DMBX1: variants seen among roughly 807,000 people sequenced by gnomAD.
The protein encoded by DMBX1 is diencephalon/mesencephalon homeobox 1.
A neutral mutation model predicts 30.4 loss-of-function variants in DMBX1; 7 were observed. The ratio of observed to expected loss-of-function variants is 0.23; its 90% CI spans 0.13 to 0.43. The LOEUF is 0.43. Ranked by LOEUF, DMBX1 falls within the 20% of genes least tolerant of loss-of-function variation. The probability of loss-of-function intolerance (pLI) is 1.00; values close to 1 mark genes in which losing one functional copy is unlikely to be tolerated. For synonymous variants in DMBX1, 222 were observed against 214.2 expected (o/e 1.04, Z -0.32); for missense variants, 460 against 508.5 (o/e 0.90, Z 0.92).
At chr1:46,501,104 T>A (rs1017584710) in intron 2 of DMBX1, among the ~76,000 whole-genome samples, 2 of 152,160 alleles carry the variant, frequency 1.3e-5, no homozygotes, top group African/African-American at 4.8e-5. Context: ...TTATATTTGC[T>A]AATCTGATCG....
In DMBX1 at chr1:46,510,477, C is replaced by T. The variant is rs770530742; in HGVS notation, c.156C>T (p.Asp52=). Residue 52 remains aspartate (D), a splice_region_variant and synonymous_variant, in exon 4 of 6, where the codon GAC becomes GAT. Coordinates refer to ENST00000360032, the MANE Select transcript of DMBX1 (RefSeq NM_172225.2). This position sits in a 1 kb window ranked among gnomAD's most constrained non-coding sequence, Gnocchi z 4.1. ...CCTCCAACGGCTGTACATTTCAAGA[C>T]ATCATCTTGGAGGCCCGTTATGGTT... ...HALTLAERLA[D]IILEARYGSQ... The T allele has an allele frequency of 7.4e-6, 12 of 1,613,530 alleles. No individual in the cohort carries two copies. The Admixed American group carries it at 2.0e-4, about 27-fold the overall frequency.
intron 3 of DMBX1, among the ~76,000 whole-genome samples, chr1:46,509,550 G>A (rs190135184): frequency 3.9e-5 from 6 of 152,288 alleles, no homozygotes; most frequent in East Asian, 1.9e-4. Flanking sequence ...TCAGGGGCTA[G>A]TCAAGTGAAA....
At chr1:46,504,465 A>G (rs1230848340) in intron 2 of DMBX1, among the ~76,000 whole-genome samples, 4 of 150,910 alleles carry the variant, frequency 2.7e-5, no homozygotes, top group African/African-American at 9.8e-5. Flanking sequence ...CATTTATTAA[A>G]TAGGGAATCC....
At position 46,514,888 on chromosome 1, in the gene DMBX1, G is replaced by A. The variant is rs1666462024; in HGVS notation, c.*2394G>A. Among the ~76,000 whole-genome samples, 1 of 152,140 alleles carries A rather than the reference G, an allele frequency of 6.6e-6. No individual in the cohort carries two copies. The highest frequency in any genetic ancestry group is 2.4e-5 in the African/African-American group (1 of 41,414). On this transcript the variant is annotated 3_prime_UTR_variant, in exon 6 of 6. Coordinates refer to ENST00000360032, the MANE Select transcript of DMBX1 (RefSeq NM_172225.2). ...TGGACAGGAAAAAAGTGAGCAGGAT[G>A]GTAGTCTAGGCCAGGAGAAGTGTTT...
At position 46,510,344 on chromosome 1, in the gene DMBX1, G is replaced by A; in HGVS notation, c.155-132G>A. On this transcript the variant is annotated intron_variant, in intron 3 of 5. Transcript: ENST00000360032. The surrounding 1 kb of genome is among the most constrained non-coding windows in gnomAD (Gnocchi z 4.1). Reference sequence around the variant, plus strand: ...GAGAGGGGATGGCTGATTTCTAAGGGTAAGGGACCAGGGCCAGCTCTGGCA... The same window carrying A: ...GAGAGGGGATGGCTGATTTCTAAGGATAAGGGACCAGGGCCAGCTCTGGCA... 1 of 1,160,722 alleles carries A rather than the reference G, an allele frequency of 8.6e-7. No individual in the cohort carries two copies. Among genetic ancestry groups the A allele is most frequent in the South Asian group, 1.6e-5 (1 of 63,448 alleles). The allele number at this position is 1,160,722 out of a possible 1,614,324, so 71.9% of individuals were successfully genotyped here.
chr1:46,511,760 G>T (rs529779130), intron 5 of DMBX1, among the ~76,000 whole-genome samples: 63 of 152,194 alleles, frequency 4.1e-4, no homozygotes, highest in African/African-American at 1.3e-3. Context: ...GGAGCTCTGG[G>T]CAGGGTGGGG....
rs1010871937 is a variant in DMBX1 at position 46,491,155 on chromosome 1, C to G, written c.-13+372C>G. 4.6e-5 allele frequency among the ~76,000 whole-genome samples: 7 copies of G among 152,218 alleles called. No homozygotes were observed. Among genetic ancestry groups the G allele is most frequent in the Non-Finnish European group, 1.0e-4 (7 of 68,036 alleles). ...TTAAGGAGCTTGAGGGAAACCTCCT[C>G]TTCCCCAAATTCGCACCAAATCTGG... On this transcript the variant is annotated intron_variant, in intron 2 of 5. Coordinates refer to ENST00000360032, the MANE Select transcript of DMBX1 (RefSeq NM_172225.2). This position sits in a 1 kb window ranked among gnomAD's most constrained non-coding sequence, Gnocchi z 5.5.
At chr1:46,502,218 G>A (rs2025384) in intron 2 of DMBX1, among the ~76,000 whole-genome samples, 36,581 of 152,094 alleles carry the variant, frequency 0.24, 5,419 homozygotes, top group African/African-American at 0.42. Context: ...TTGGATTCAC[G>A]TGTCAGTCAT....
In DMBX1 at chr1:46,510,812, G is replaced by A; in HGVS notation, c.334-123G>A. The stretch of plus-strand genomic sequence containing the variant: ...GGAGGGGAGTTTGGGAAGGGACAGA[G>A]GGTGTGCATTCCCTAGAGGGGTGGG... On this transcript the variant is annotated intron_variant, in intron 4 of 5. Coordinates refer to ENST00000360032, the MANE Select transcript of DMBX1 (RefSeq NM_172225.2). This position sits in a 1 kb window ranked among gnomAD's most constrained non-coding sequence, Gnocchi z 4.1. 2 of 1,336,390 alleles carry A rather than the reference G, an allele frequency of 1.5e-6. No homozygotes were observed. The highest frequency in any genetic ancestry group is 1.5e-5 in the South Asian group (1 of 67,970). 82.8% of individuals were successfully genotyped at this position (1,336,390 alleles called of 1,614,324 possible). A position where few individuals can be genotyped will look rare whatever the true frequency, so the allele number is the denominator to read the frequency against.
At position 46,491,061 on chromosome 1, in the gene DMBX1, G is replaced by A. The variant is rs1314244573; in HGVS notation, c.-13+278G>A. On this transcript the variant is annotated intron_variant, in intron 2 of 5. Coordinates refer to ENST00000360032, the MANE Select transcript of DMBX1 (RefSeq NM_172225.2). This position sits in a 1 kb window ranked among gnomAD's most constrained non-coding sequence, Gnocchi z 5.5. ...ACTGTGCAGGGTCCCGGGCACCACC[G>A]GCTGAACTTTCTGGCGGTCACAAAT... 1.3e-5 allele frequency among the ~76,000 whole-genome samples: 2 copies of A among 152,226 alleles called. No homozygotes were observed. The highest frequency in any genetic ancestry group is 6.5e-5 in the Admixed American group (1 of 15,282).
chr1:46,507,154 G>T lies in DMBX1; in HGVS notation c.144G>T (p.Glu48Asp). 1 of 1,614,164 alleles carries T rather than the reference G, an allele frequency of 6.2e-7. No homozygotes were observed. Among genetic ancestry groups the T allele is most frequent in the East Asian group, 2.2e-5 (1 of 44,862 alleles). ...CAGTGCATGCGCTTACATTGGCTGA[G>T]CGCCTGGCTGGTAAGGGCCCTGGGG... is the stretch of plus-strand genomic sequence containing the variant. ...RPSVHALTLA[E>D]RLADIILEAR... Residue 48 changes from glutamate (E) to aspartate (D), a missense_variant, in exon 3 of 6, where the codon GAG (glutamate) becomes GAT (aspartate). Transcript: ENST00000360032.
At chr1:46,502,735 A>C (rs1466571855) in intron 2 of DMBX1, among the ~76,000 whole-genome samples, 2 of 152,090 alleles carry the variant, frequency 1.3e-5, no homozygotes, top group Non-Finnish European at 2.9e-5. Flanking sequence ...AAAAAAATAA[A>C]TAAATTATCC....
chr1:46,501,221 T>TCTTC (rs1666123829), intron 2 of DMBX1, among the ~76,000 whole-genome samples: 2 of 63,176 alleles, frequency 3.2e-5, no homozygotes, highest in South Asian at 6.0e-4. Context: ...TTCCTTTCTT[T>TCTTC]CTTTCTTTCT....
intron 5 of DMBX1, 80 bp from the exon 6 acceptor site, chr1:46,511,963 G>T: frequency 2.2e-6 from 3 of 1,392,724 alleles, no homozygotes; most frequent in Non-Finnish European, 2.0e-6. Flanking sequence ...TGCCAAGGAG[G>T]TGAGAAGGCT....
chr1:46,498,552 A>G (rs1666066725), intron 2 of DMBX1, among the ~76,000 whole-genome samples: 1 of 152,084 alleles, frequency 6.6e-6, no homozygotes, highest in Non-Finnish European at 1.5e-5. Context: ...ACCTAGCAGC[A>G]GGGGACAGGG....
In DMBX1 at chr1:46,510,224, T is replaced by C. The variant is rs1417813463; in HGVS notation, c.155-252T>C. ...AAATAATGAAGACCCCCCTCAATCATATGCCTGACAGCCATTTTTGGAGTT... is the reference window on the plus strand; with the variant it reads ...AAATAATGAAGACCCCCCTCAATCACATGCCTGACAGCCATTTTTGGAGTT... On this transcript the variant is annotated intron_variant, in intron 3 of 5. Coordinates refer to ENST00000360032, the MANE Select transcript of DMBX1 (RefSeq NM_172225.2). This position sits in a 1 kb window ranked among gnomAD's most constrained non-coding sequence, Gnocchi z 4.1. Among the ~76,000 whole-genome samples the C allele has an allele frequency of 1.3e-5, 2 of 152,154 alleles. No individual in the cohort carries two copies. Among genetic ancestry groups the C allele is most frequent in the African/African-American group, 4.8e-5 (2 of 41,424 alleles).
At chr1:46,511,494 G>A (rs1666371240) in intron 5 of DMBX1, among the ~76,000 whole-genome samples, 1 of 152,180 alleles carries the variant, frequency 6.6e-6, no homozygotes, top group African/African-American at 2.4e-5. Flanking sequence ...AGCAGGGGTG[G>A]GATACTGCGG....
At position 46,515,658 on chromosome 1, in the gene DMBX1, G is replaced by A. The variant is rs1338202899; in HGVS notation, c.*3164G>A. 6.6e-6 allele frequency among the ~76,000 whole-genome samples: 1 copy of A among 152,248 alleles called. No individual in the cohort carries two copies. The highest frequency in any genetic ancestry group is 1.9e-4 in the East Asian group (1 of 5,200). ...CACCTGTGTCTCCTCCAAGCACACT[G>A]GTAAGCGGCACCGTGCATCTCCTCT... is the stretch of plus-strand genomic sequence containing the variant. On this transcript the variant is annotated 3_prime_UTR_variant, in exon 6 of 6. Coordinates refer to ENST00000360032, the MANE Select transcript of DMBX1 (RefSeq NM_172225.2).
Position 46,490,790 on chromosome 1 carries a change from G to T in DMBX1, c.-13+7G>T, listed in dbSNP as rs1463410543. On this transcript the variant is annotated splice_region_variant and intron_variant, in intron 2 of 5. Coordinates refer to ENST00000360032, the MANE Select transcript of DMBX1 (RefSeq NM_172225.2). ...TTGGTCTAGGAACCTTCAGGTGGGT[G>T]TTTGGGGCGCAGTGGCCCTAGTTCC... Among the ~76,000 whole-genome samples the T allele has an allele frequency of 6.6e-6, 1 of 152,266 alleles. No homozygotes were observed. Among genetic ancestry groups the T allele is most frequent in the Non-Finnish European group, 1.5e-5 (1 of 68,052 alleles).
Sources: allele counts gnomAD v4.1 joint callset (sites outside exome capture counted in the v4.1 genomes callset), GRCh38; gene constraint gnomAD v4.1.1; non-coding constraint Gnocchi (gnomAD v3.1); transcripts MANE v1.5; gene names NCBI Gene and HGNC (gene_info 2026-07-23, HGNC 2026-07-21).